NAP1L4: variants seen among roughly 807,000 people sequenced by gnomAD.
NAP1L4 encodes the protein nucleosome assembly protein 1 like 4, also known as nucleosome assembly protein 1-like 4.
A neutral mutation model predicts 58.2 loss-of-function variants in NAP1L4; 15 were observed. The observed-to-expected ratio is 0.26, with a 90% CI of 0.17 to 0.40. NAP1L4 has a LOEUF of 0.40. Among genes scored for constraint, NAP1L4 ranks in the 10% least tolerant of loss-of-function variants. NAP1L4 has a pLI of 1.00. For synonymous variants in NAP1L4, 171 were observed against 155.6 expected, an observed-to-expected ratio of 1.10 and a Z score of -0.74; for missense variants, 384 against 451.1, an observed-to-expected ratio of 0.85 and a Z score of 1.35.
At chr11:2,967,107 T>C (rs1847327311) in intron 7 of NAP1L4, among the ~76,000 whole-genome samples, 1 of 152,316 alleles carries the variant, frequency 6.6e-6, no homozygotes, top group African/African-American at 2.4e-5. Context: ...TGGAATTTAA[T>C]ATTTGACCAA....
At chr11:2,991,249 G>C (rs1168680402) in intron 1 of NAP1L4, 2 of 426,450 alleles carry the variant, frequency 4.7e-6, no homozygotes, top group Non-Finnish European at 9.7e-6. Flanking sequence ...ATCAGACTTA[G>C]AGAACTGTGG....
chr11:2,959,630 A>AAT lies in NAP1L4; in HGVS notation c.746+138_746+139dup. 1 of 1,000,262 alleles carries AAT rather than the reference A, an allele frequency of 1.0e-6. No individual in the cohort carries two copies. Among genetic ancestry groups the AAT allele is most frequent in the Non-Finnish European group, 1.4e-6 (1 of 698,320 alleles). 62.0% of individuals were successfully genotyped at this position (1,000,262 alleles called of 1,614,324 possible). On this transcript the variant is annotated intron_variant, in intron 9 of 15. Transcript: ENST00000380542. The surrounding 1 kb of genome is among the most constrained non-coding windows in gnomAD (Gnocchi z 4.9). Reference sequence around the variant, plus strand: ...CATTCCCAAACTGAAAGACTATTGAAATATACATCTACCAGGCTTTTAGGC... The same window carrying AAT: ...CATTCCCAAACTGAAAGACTATTGAAATATATACATCTACCAGGCTTTTAGGC...
intron 1 of NAP1L4, among the ~76,000 whole-genome samples, chr11:2,981,199 C>T (rs914691876): frequency 6.6e-6 from 1 of 151,170 alleles, no homozygotes; most frequent in Non-Finnish European, 1.5e-5. Flanking sequence ...AATAACACCA[C>T]TGCACTCCCG....
chr11:2,985,764 G>T (rs1008472530), intron 1 of NAP1L4, among the ~76,000 whole-genome samples: 2 of 152,166 alleles, frequency 1.3e-5, no homozygotes, highest in African/African-American at 4.8e-5. Flanking sequence ...AAAGAATGTT[G>T]TAAGTTTTCT....
intron 1 of NAP1L4, chr11:2,991,359 CA>C: frequency 3.6e-6 from 1 of 277,330 alleles, no homozygotes; most frequent in Non-Finnish European, 7.5e-6. Flanking sequence ...CTGGTCAGGT[CA>C]AAAAATACAA....
rs543694547 is a variant in NAP1L4 at position 2,958,255 on chromosome 11, C to G, written c.892+144G>C. On this transcript the variant is annotated intron_variant, in intron 10 of 15. Transcript: ENST00000380542. The stretch of plus-strand genomic sequence containing the variant: ...TAAACTTGCCAGCGCACCAACAGAA[C>G]AGCCTGGGACACAGCAATGTGCCCC... The G allele has an allele frequency of 1.9e-5, 16 of 835,018 alleles. No homozygotes were observed. The African/African-American group carries it at 2.7e-4, about 14-fold the overall frequency. 51.7% of individuals were successfully genotyped at this position (835,018 alleles called of 1,614,324 possible).
At chr11:2,987,169 G>C (rs912351611) in intron 1 of NAP1L4, among the ~76,000 whole-genome samples, 2 of 152,036 alleles carry the variant, frequency 1.3e-5, no homozygotes, top group African/African-American at 4.8e-5. Context: ...ATTATACGAA[G>C]CCCTGAGACA....
chr11:2,971,645 A>G lies in NAP1L4; in HGVS notation c.316-111T>C, dbSNP rs1489481974. ...AAGACTTTGAAAACTGGATATTTTTATAACTTATTTTAAGATTCTAAATTT... is the reference window on the plus strand; with the variant it reads ...AAGACTTTGAAAACTGGATATTTTTGTAACTTATTTTAAGATTCTAAATTT... On this transcript the variant is annotated intron_variant, in intron 5 of 15. Transcript: ENST00000380542. This position sits in a 1 kb window ranked among gnomAD's most constrained non-coding sequence, Gnocchi z 4.2. The G allele has an allele frequency of 6.0e-6, 5 of 834,828 alleles. No individual in the cohort carries two copies. In the East Asian group the frequency reaches 8.1e-5, roughly 14 times the overall value. 51.7% of individuals were successfully genotyped at this position (834,828 alleles called of 1,614,324 possible).
chr11:2,951,738 A>T lies in NAP1L4; in HGVS notation c.1065+42T>A, dbSNP rs1426421773. The T allele has an allele frequency of 1.9e-6, 3 of 1,607,206 alleles. No homozygotes were observed. Among genetic ancestry groups the T allele is most frequent in the Non-Finnish European group, 2.6e-6 (3 of 1,174,240 alleles). On this transcript the variant is annotated intron_variant, in intron 13 of 15. Coordinates refer to ENST00000380542, the MANE Select transcript of NAP1L4 (RefSeq NM_005969.4). The surrounding 1 kb of genome is among the most constrained non-coding windows in gnomAD (Gnocchi z 4.0). ...TCAAGCAGAGAAAGCCAAAGAAACA[A>T]CTTCAGGGAGGTAAGTGGCACTGCA...
intron 15 of NAP1L4, among the ~76,000 whole-genome samples, chr11:2,947,687 A>G (rs1846011709): frequency 6.6e-6 from 1 of 152,178 alleles, no homozygotes; most frequent in South Asian, 2.1e-4. Context: ...AATTTTAATG[A>G]TGGTTGAGTC....
At chr11:2,978,738 A>C (rs139786615) in intron 2 of NAP1L4, among the ~76,000 whole-genome samples, 1 of 152,362 alleles carries the variant, frequency 6.6e-6, no homozygotes, top group African/African-American at 2.4e-5. Context: ...TACCAAGTTA[A>C]GACAGTGCCC....
Position 2,951,683 on chromosome 11 carries a change from G to A in NAP1L4, c.1065+97C>T, listed in dbSNP as rs1846235011. Reference sequence around the variant, plus strand: ...TCAAAGACAGCGTCACAAAAAATGGGTTTAACACAGCCCTGTGAGTCCATA... The same window carrying A: ...TCAAAGACAGCGTCACAAAAAATGGATTTAACACAGCCCTGTGAGTCCATA... On this transcript the variant is annotated intron_variant, in intron 13 of 15. Coordinates refer to ENST00000380542, the MANE Select transcript of NAP1L4 (RefSeq NM_005969.4). The surrounding 1 kb of genome is among the most constrained non-coding windows in gnomAD (Gnocchi z 4.0). 1 of 1,291,234 alleles carries A rather than the reference G, an allele frequency of 7.7e-7. No homozygotes were observed. Among genetic ancestry groups the A allele is most frequent in the Admixed American group, 1.8e-5 (1 of 56,974 alleles). The allele number at this position is 1,291,234 out of a possible 1,614,324, so 80.0% of individuals were successfully genotyped here.
At position 2,954,625 on chromosome 11, in the gene NAP1L4, A is replaced by C. The variant is rs1366162277; in HGVS notation, c.937T>G (p.Leu313Val). 1.9e-6 allele frequency: 3 copies of C among 1,614,188 alleles called. No individual in the cohort carries two copies. Among genetic ancestry groups the C allele is most frequent in the Non-Finnish European group, 2.5e-6 (3 of 1,180,034 alleles). The change falls in exon 12 of 16, where the codon TTA (leucine) becomes GTA (valine). Residue 313 changes from leucine (L) to valine (V), a missense_variant. Physicochemically the swap from Leu to Val is conservative, Grantham distance 32. Coordinates refer to ENST00000380542, the MANE Select transcript of NAP1L4 (RefSeq NM_005969.4). The surrounding 1 kb of genome is among the most constrained non-coding windows in gnomAD (Gnocchi z 4.8). ...ESLDEDSEFT[L>V]ASDFEIGHFF... is the part of the protein sequence containing the mutation. ...TGTCCAATTTCAAAATCAGAGGCTA[A>C]TGTGAATTCAGAATCTTCATCCTGA...
At position 2,951,981 on chromosome 11, in the gene NAP1L4, A is replaced by C; in HGVS notation, c.1036-172T>G. On this transcript the variant is annotated intron_variant, in intron 12 of 15. Coordinates refer to ENST00000380542, the MANE Select transcript of NAP1L4 (RefSeq NM_005969.4). This position sits in a 1 kb window ranked among gnomAD's most constrained non-coding sequence, Gnocchi z 4.0. The stretch of plus-strand genomic sequence containing the variant: ...GGAGCCATTTGCTTGTGTGCAGCGC[A>C]TTTTAAAAGCATGCCAGGAAATTGA... 1.5e-6 allele frequency: 1 copy of C among 655,428 alleles called. No homozygotes were observed. Among genetic ancestry groups the C allele is most frequent in the South Asian group, 1.8e-5 (1 of 56,000 alleles). 40.6% of individuals were successfully genotyped at this position (655,428 alleles called of 1,614,324 possible).
intron 4 of NAP1L4, among the ~76,000 whole-genome samples, chr11:2,975,133 C>T (rs920092451): frequency 5.3e-5 from 8 of 149,726 alleles, no homozygotes; most frequent in African/African-American, 1.7e-4. Context: ...GATGGAAGCC[C>T]AGTAACAGCT....
In NAP1L4 at chr11:2,984,723, G is replaced by C. The variant is rs1848525891; in HGVS notation, c.-17-5486C>G. Among the ~76,000 whole-genome samples the C allele has an allele frequency of 2.6e-5, 4 of 152,104 alleles. No individual in the cohort carries two copies. In the South Asian group the frequency reaches 8.3e-4, roughly 32 times the overall value. The stretch of plus-strand genomic sequence containing the variant: ...CTGCATAACCTTCCTCTGGACCTCA[G>C]TTTCATCATCCACAAACTAGAAGAC... On this transcript the variant is annotated intron_variant, in intron 1 of 15. Coordinates refer to ENST00000380542, the MANE Select transcript of NAP1L4 (RefSeq NM_005969.4).
intron 8 of NAP1L4, among the ~76,000 whole-genome samples, chr11:2,964,456 C>T (rs1235811868): frequency 6.6e-6 from 1 of 152,180 alleles, no homozygotes; most frequent in Non-Finnish European, 1.5e-5. Context: ...GACTACAGTG[C>T]CAAGCATGAC....
chr11:2,968,988 GTT>G lies in NAP1L4; in HGVS notation c.534+813_534+814del, dbSNP rs61176259. On this transcript the variant is annotated intron_variant, in intron 7 of 15. Coordinates refer to ENST00000380542, the MANE Select transcript of NAP1L4 (RefSeq NM_005969.4). The stretch of plus-strand genomic sequence containing the variant: ...GGTGGTTGGGTTTTGTTGTTGTGTT[GTT>G]TTTTTTTTTTTTTTTTTTTGGAGAC... Among the ~76,000 whole-genome samples, 96 of 113,568 alleles carry G rather than the reference GTT, an allele frequency of 8.5e-4. 1 individual carries two copies. The highest frequency in any genetic ancestry group is 4.7e-3 in the Middle Eastern group (1 of 212). The allele number at this position is 113,568 out of a possible 152,430, so 74.5% of individuals were successfully genotyped here.
intron 15 of NAP1L4, 74 bp from the exon 16 acceptor site, chr11:2,945,720 A>C: frequency 7.8e-7 from 1 of 1,276,168 alleles, no homozygotes; most frequent in Non-Finnish European, 1.1e-6. Flanking sequence ...ATCAACAATG[A>C]AAGCCAAGAC....
Sources: gnomAD v4.1 joint callset for allele counts (sites outside exome capture counted in the v4.1 genomes callset) on GRCh38, gnomAD v4.1.1 for gene constraint, Gnocchi (gnomAD v3.1) non-coding constraint, MANE v1.5 for transcripts, NCBI Gene and HGNC (gene_info 2026-07-23, HGNC 2026-07-21) for gene names.